GFRA3: variants seen among roughly 807,000 people sequenced by gnomAD.
GFRA3 encodes GDNF family receptor alpha-3.
Under a neutral mutation model 40.0 loss-of-function variants are expected in GFRA3, and 24 were observed. The observed-to-expected ratio is 0.60, with a 90% CI of 0.43 to 0.84. The LOEUF is 0.84. Ranked by LOEUF, GFRA3 falls within the 40% of genes least tolerant of loss-of-function variation. The pLI is 0.00. For synonymous variants in GFRA3, 203 were observed against 213.5 expected, an observed-to-expected ratio of 0.95 and a Z score of 0.43; for missense variants, 405 against 530.6, an observed-to-expected ratio of 0.76 and a Z score of 2.33.
rs1581505454 is a variant in GFRA3 at position 138,253,319 on chromosome 5, G to C, written c.1081C>G (p.Pro361Ala). ...GCCATCACAGCAAAGGTAGGGTGTG[G>C]CCAGTCCTGGGAGAAGAGTTGGCTG... is the stretch of plus-strand genomic sequence containing the variant. ...FHSQLFSQDW[P>A]HPTFAVMAHQ... is the part of the protein sequence containing the mutation. The change falls in exon 7 of 8, where the codon CCA (proline) becomes GCA (alanine). Residue 361 changes from proline to alanine, a missense_variant. Coordinates refer to ENST00000274721, the MANE Select transcript of GFRA3 (RefSeq NM_001496.4). 1 of 1,603,038 alleles carries C rather than the reference G, an allele frequency of 6.2e-7. No individual in the cohort carries two copies. Among genetic ancestry groups the C allele is most frequent in the Non-Finnish European group, 8.5e-7 (1 of 1,174,232 alleles).
intron 1 of GFRA3, among the ~76,000 whole-genome samples, chr5:138,269,693 A>G (rs563405682): frequency 6.6e-6 from 1 of 150,866 alleles, no homozygotes; most frequent in African/African-American, 2.4e-5. Context: ...AATACAAAAA[A>G]TTAGCTGGGC....
rs1406832317 is a variant in GFRA3, at chr5:138,252,869, C to T, written c.*99G>A. On this transcript the variant is annotated 3_prime_UTR_variant, in exon 8 of 8. Coordinates refer to ENST00000274721, the MANE Select transcript of GFRA3 (RefSeq NM_001496.4). The stretch of plus-strand genomic sequence containing the variant: ...AGCTTCTCCTGTGCCCTCATCTGCG[C>T]ACTGCACCTCCTTCCTGCTGCTGTC... 2.9e-6 allele frequency: 2 copies of T among 695,392 alleles called. No homozygotes were observed. The highest frequency in any genetic ancestry group is 2.3e-5 in the Admixed American group (1 of 43,510). The allele number at this position is 695,392 out of a possible 1,614,324, so 43.1% of individuals were successfully genotyped here.
At chr5:138,262,264 A>G (rs984850828) in intron 2 of GFRA3, among the ~76,000 whole-genome samples, 1 of 152,182 alleles carries the variant, frequency 6.6e-6, no homozygotes, top group Non-Finnish European at 1.5e-5. Context: ...TGAAAGAGGA[A>G]GGACCTTTCC....
chr5:138,264,462 C>T lies in GFRA3; in HGVS notation c.178G>A (p.Ala60Thr), dbSNP rs991646565. Reference sequence around the variant, plus strand: ...GTGCAGGAATCCAGGTGGTGGTAGGCAGCACTGCAGGTGGGATCAGCCTGG... The same window carrying T: ...GTGCAGGAATCCAGGTGGTGGTAGGTAGCACTGCAGGTGGGATCAGCCTGG... ...KCQADPTCSA[A>T]YHHLDSCTSS... The change falls in exon 2 of 8, where the codon GCC becomes ACC. Residue 60 changes from alanine to threonine, a missense_variant. By Grantham distance (58) the Ala-to-Thr change is moderately conservative. Coordinates refer to ENST00000274721, the MANE Select transcript of GFRA3 (RefSeq NM_001496.4). 6 of 1,613,458 alleles carry T rather than the reference C, an allele frequency of 3.7e-6. No individual in the cohort carries two copies. In the African/African-American group the frequency reaches 5.3e-5, roughly 14 times the overall value.
intron 1 of GFRA3, among the ~76,000 whole-genome samples, chr5:138,268,158 G>A (rs780604191): frequency 2.0e-5 from 3 of 151,630 alleles, no homozygotes; most frequent in Non-Finnish European, 4.4e-5. Flanking sequence ...GATGGCGGGC[G>A]CCTGTAATCC....
Position 138,255,032 on chromosome 5 carries a change from A to G in GFRA3, c.786-872T>C, listed in dbSNP as rs1025973667. ...GAAGGAAGGAGAGAGAGAGGAAGGA[A>G]GGAAGGAGAAAAAGAGAGGAAGGAA... On this transcript the variant is annotated intron_variant, in intron 4 of 7. Transcript: ENST00000274721. 4.6e-5 allele frequency among the ~76,000 whole-genome samples: 7 copies of G among 151,504 alleles called. 1 individual carries two copies. In the South Asian group the frequency reaches 1.5e-3, roughly 32 times the overall value.
chr5:138,253,192 G>T, intron 7 of GFRA3, 95 bp downstream of exon 7: 1 of 900,186 alleles, frequency 1.1e-6, no homozygotes, highest in South Asian at 1.4e-5. Context: ...CAATGAGGAG[G>T]TCAGCCCCTC....
At chr5:138,263,593 G>T (rs1755740828) in intron 2 of GFRA3, among the ~76,000 whole-genome samples, 1 of 152,212 alleles carries the variant, frequency 6.6e-6, no homozygotes, top group Non-Finnish European at 1.5e-5. Context: ...TTCTGCCAAT[G>T]CTCATTTCCT....
intron 2 of GFRA3, among the ~76,000 whole-genome samples, chr5:138,263,199 T>C (rs1755736284): frequency 6.6e-6 from 1 of 152,092 alleles, no homozygotes; most frequent in Non-Finnish European, 1.5e-5. Flanking sequence ...ACTCCTGAAC[T>C]CAAGTGATCC....
rs1755753927 is a variant in GFRA3 at position 138,264,472 on chromosome 5, G to A, written c.168C>T (p.Thr56=). ...QARRKCQADP[T]CSAAYHHLDS... ...CCAGGTGGTGGTAGGCAGCACTGCA[G>A]GTGGGATCAGCCTGGCACTTCCTCC... The change falls in exon 2 of 8, where the codon ACC becomes ACT. Residue 56 remains threonine, a synonymous_variant. Coordinates refer to ENST00000274721, the MANE Select transcript of GFRA3 (RefSeq NM_001496.4). The A allele has an allele frequency of 6.2e-7, 1 of 1,613,294 alleles. No individual in the cohort carries two copies. The highest frequency in any genetic ancestry group is 1.7e-5 in the Admixed American group (1 of 59,994).
intron 4 of GFRA3, among the ~76,000 whole-genome samples, chr5:138,254,441 C>A (rs1292682279): frequency 3.9e-5 from 6 of 152,052 alleles, no homozygotes; most frequent in Admixed American, 6.6e-5. Flanking sequence ...CCTGCCTTGG[C>A]CTCTCAAAGT....
rs755488363 is a variant in GFRA3, at chr5:138,264,270, G to A, written c.370C>T (p.Arg124Cys). 4.4e-6 allele frequency: 7 copies of A among 1,595,088 alleles called. No homozygotes were observed. The highest frequency in any genetic ancestry group is 2.3e-5 in the East Asian group (1 of 44,330). Residue 124 changes from arginine to cysteine, a missense_variant, in exon 2 of 8, where the codon CGC (arginine) becomes TGC (cysteine). Arg to Cys is a radical substitution (Grantham distance 180). Transcript: ENST00000274721. ...LDIYWTVHRA[R>C]SLGNYELDVS... is the part of the protein sequence containing the mutation. ...ATAATGGGAGCCTCACCAAGGCTGC[G>A]GGCACGGTGAACGGTCCAATAGATG...
Position 138,253,388 on chromosome 5 carries a change from G to A in GFRA3, c.1025-13C>T, listed in dbSNP as rs750013358. The A allele has an allele frequency of 3.9e-6, 6 of 1,536,048 alleles. No individual in the cohort carries two copies. The Admixed American group carries it at 1.1e-4, about 28-fold the overall frequency. On this transcript the variant is annotated splice_polypyrimidine_tract_variant and intron_variant, in intron 6 of 7. Coordinates refer to ENST00000274721, the MANE Select transcript of GFRA3 (RefSeq NM_001496.4). ...GCAATGGCCTCCGCTGAAGAGAGGA[G>A]AGAAGGCTCATTGGAAGGGTATGGG...
chr5:138,255,974 T>C (rs1249924864), intron 4 of GFRA3, among the ~76,000 whole-genome samples: 1 of 150,004 alleles, frequency 6.7e-6, no homozygotes. Flanking sequence ...ACACCTGTAA[T>C]ACCAGTACTT....
At chr5:138,272,944 T>C (rs906848635) in intron 1 of GFRA3, among the ~76,000 whole-genome samples, 8 of 152,166 alleles carry the variant, frequency 5.3e-5, no homozygotes, top group African/African-American at 1.7e-4. Flanking sequence ...AGGCTATGCC[T>C]CAGGGCACAA....
Position 138,274,447 on chromosome 5 carries a change from CCG to C in GFRA3, c.-25_-24del. The C allele has an allele frequency of 7.8e-7, 1 of 1,287,728 alleles. No individual in the cohort carries two copies. Among genetic ancestry groups the C allele is most frequent in the South Asian group, 2.6e-5 (1 of 38,928 alleles). 79.8% of individuals were successfully genotyped at this position (1,287,728 alleles called of 1,614,324 possible). A position where few individuals can be genotyped will look rare whatever the true frequency, so the allele number is the denominator to read the frequency against. On this transcript the variant is annotated 5_prime_UTR_variant, in exon 1 of 8. Coordinates refer to ENST00000274721, the MANE Select transcript of GFRA3 (RefSeq NM_001496.4). ...CATGGCGAGCTGTAGGCGCCGGGCT[CCG>C]CGCTCCCCTCGCTCCTCCCCTGGAG...
intron 1 of GFRA3, among the ~76,000 whole-genome samples, chr5:138,268,997 AT>A (rs1171172403): frequency 2.6e-5 from 4 of 152,106 alleles, no homozygotes; most frequent in Non-Finnish European, 5.9e-5. Context: ...TGAATAGACA[AT>A]TCTCAAAAGA....
chr5:138,264,437 G>T lies in GFRA3; in HGVS notation c.203C>A (p.Thr68Asn). The change falls in exon 2 of 8, where the codon ACC becomes AAC. Residue 68 changes from threonine (T) to asparagine (N), a missense_variant. Coordinates refer to ENST00000274721, the MANE Select transcript of GFRA3 (RefSeq NM_001496.4). ...SAAYHHLDSC[T>N]SSISTPLPSE... ...GGGCAGTGGGGTGCTTATGCTAGAGGTGCAGGAATCCAGGTGGTGGTAGGC... is the reference window on the plus strand; with the variant it reads ...GGGCAGTGGGGTGCTTATGCTAGAGTTGCAGGAATCCAGGTGGTGGTAGGC... The T allele has an allele frequency of 6.2e-7, 1 of 1,614,070 alleles. No homozygotes were observed. Among genetic ancestry groups the T allele is most frequent in the Non-Finnish European group, 8.5e-7 (1 of 1,179,930 alleles).
Position 138,274,373 on chromosome 5 carries a change from GCAA to G in GFRA3, c.49_51del (p.Leu21del), listed in dbSNP as rs1755919647. On this transcript the variant is annotated inframe_deletion, in exon 1 of 8. Transcript: ENST00000274721. ...AGCGGCGACGGCGGCAGCAGCAGCAGCAACATCAGGACTACGGGCGGCAGCGGT... is the reference window on the plus strand; with the variant it reads ...AGCGGCGACGGCGGCAGCAGCAGCAGCATCAGGACTACGGGCGGCAGCGGT... 1.5e-6 allele frequency: 2 copies of G among 1,330,378 alleles called. No homozygotes were observed. The highest frequency in any genetic ancestry group is 3.2e-5 in the Admixed American group (1 of 30,974). 82.4% of individuals were successfully genotyped at this position (1,330,378 alleles called of 1,614,324 possible).
Sources: allele counts gnomAD v4.1 joint callset (sites outside exome capture counted in the v4.1 genomes callset), GRCh38; gene constraint gnomAD v4.1.1; transcripts MANE v1.5; gene names NCBI Gene and HGNC (gene_info 2026-07-23, HGNC 2026-07-21).